Variants in TGFBR3 observed in about 807,000 individuals in gnomAD.
TGFBR3 encodes transforming growth factor beta receptor type 3.
In TGFBR3, 46 loss-of-function variants were observed where a neutral mutation model predicts 87.9. The observed-to-expected ratio is 0.52, with a 90% CI of 0.41 to 0.67. The LOEUF is 0.67. Ranked by LOEUF, TGFBR3 falls within the 30% of genes least tolerant of loss-of-function variation. TGFBR3 has a pLI of 0.00. For synonymous variants in TGFBR3, 381 were observed against 391.6 expected, an observed-to-expected ratio of 0.97 and a Z score of 0.32; for missense variants, 866 against 1,041.9, an observed-to-expected ratio of 0.83 and a Z score of 2.32.
At chr1:91,842,915 C>G (rs1363484956) in intron 2 of TGFBR3, among the ~76,000 whole-genome samples, 1 of 152,116 alleles carries the variant, frequency 6.6e-6, no homozygotes, top group Non-Finnish European at 1.5e-5. Context: ...AGTTGGGGGG[C>G]AGGGAGAGCA....
At chr1:91,767,617 G>A (rs1209967461) in intron 3 of TGFBR3, among the ~76,000 whole-genome samples, 1 of 132,126 alleles carries the variant, frequency 7.6e-6, no homozygotes, top group East Asian at 2.0e-4. Context: ...AAAGTCATAT[G>A]GCTAGAAAAT....
intron 4 of TGFBR3, among the ~76,000 whole-genome samples, chr1:91,740,689 T>C (rs1263388205): frequency 6.6e-6 from 1 of 152,152 alleles, no homozygotes; most frequent in South Asian, 2.1e-4. Flanking sequence ...TAACATGAGA[T>C]TTGGGCAGGG....
At chr1:91,719,089 G>A (rs1672273124) in intron 10 of TGFBR3, among the ~76,000 whole-genome samples, 1 of 152,190 alleles carries the variant, frequency 6.6e-6, no homozygotes, top group East Asian at 1.9e-4. Flanking sequence ...AACGGGGGGT[G>A]AGAAAACAGG....
chr1:91,735,639 C>T (rs1672942798), intron 4 of TGFBR3, among the ~76,000 whole-genome samples: 1 of 152,310 alleles, frequency 6.6e-6, no homozygotes, highest in East Asian at 1.9e-4. Flanking sequence ...ATAAAACTTT[C>T]AGGATGACGT....
intron 14 of TGFBR3, among the ~76,000 whole-genome samples, chr1:91,707,371 TCA>T (rs1191964120): frequency 6.6e-6 from 1 of 152,232 alleles, no homozygotes; most frequent in Non-Finnish European, 1.5e-5. Context: ...ACAGCTGTTT[TCA>T]CAGAGGTTAG....
At chr1:91,854,495 C>A (rs555921144) in intron 2 of TGFBR3, among the ~76,000 whole-genome samples, 1 of 152,270 alleles carries the variant, frequency 6.6e-6, no homozygotes, top group African/African-American at 2.4e-5. Context: ...GAAACTGTGA[C>A]CACCTCACTC....
intron 2 of TGFBR3, among the ~76,000 whole-genome samples, chr1:91,799,523 A>T (rs1475422180): frequency 6.6e-6 from 1 of 152,148 alleles, no homozygotes; most frequent in East Asian, 1.9e-4. Context: ...AGCTTCAAGA[A>T]ATTATCCTAC....
intron 1 of TGFBR3, among the ~76,000 whole-genome samples, chr1:91,880,375 G>A (rs1355107844): frequency 4.6e-5 from 7 of 152,074 alleles, no homozygotes; most frequent in Non-Finnish European, 8.8e-5. Flanking sequence ...CCAAGACGGC[G>A]GATCACGAGG....
intron 3 of TGFBR3, among the ~76,000 whole-genome samples, chr1:91,769,473 T>C (rs572238874): frequency 1.3e-5 from 2 of 152,074 alleles, no homozygotes; most frequent in South Asian, 2.1e-4. Context: ...ACTCTCTTTC[T>C]TCCCCACCTG....
intron 1 of TGFBR3, among the ~76,000 whole-genome samples, chr1:91,904,153 C>T (rs1679794212): frequency 6.6e-6 from 1 of 152,190 alleles, no homozygotes; most frequent in South Asian, 2.1e-4. Context: ...CACTGCACTC[C>T]AACCTGGGCA....
At chr1:91,862,444 G>C (rs972860703) in intron 1 of TGFBR3, among the ~76,000 whole-genome samples, 1 of 152,170 alleles carries the variant, frequency 6.6e-6, no homozygotes, top group African/African-American at 2.4e-5. Context: ...TATTTCAACT[G>C]TTTGCCAACA....
At chr1:91,810,921 A>G (rs1219865583) in intron 2 of TGFBR3, among the ~76,000 whole-genome samples, 2 of 152,268 alleles carry the variant, frequency 1.3e-5, no homozygotes, top group African/African-American at 2.4e-5. Context: ...ACTTAGCTAA[A>G]GGAAACTACA....
Position 91,905,297 on chromosome 1 carries a change from C to T in TGFBR3, c.-175+529G>A, listed in dbSNP as rs1679822347. Among the ~76,000 whole-genome samples, 3 of 152,146 alleles carry T rather than the reference C, an allele frequency of 2.0e-5. No homozygotes were observed. In the South Asian group the frequency reaches 6.2e-4, roughly 32 times the overall value. On this transcript the variant is annotated intron_variant, in intron 1 of 17. Transcript: ENST00000370399. ...CAGTTGGCTTATTTAACACTTTTCT[C>T]TAGGGTACAGAAAAATGCTAGTTAT... is the stretch of plus-strand genomic sequence containing the variant.
At chr1:91,685,852 C>T (rs1415906362) in intron 16 of TGFBR3, among the ~76,000 whole-genome samples, 1 of 152,206 alleles carries the variant, frequency 6.6e-6, no homozygotes, top group Admixed American at 6.5e-5. Flanking sequence ...ACCCAAACAA[C>T]TCTAGATATA....
intron 2 of TGFBR3, among the ~76,000 whole-genome samples, chr1:91,854,505 C>T (rs1009698577): frequency 1.3e-5 from 2 of 151,902 alleles, no homozygotes; most frequent in Admixed American, 6.6e-5. Flanking sequence ...CCACCTCACT[C>T]GACAGTGAGG....
intron 3 of TGFBR3, among the ~76,000 whole-genome samples, chr1:91,762,163 C>A (rs545691989): frequency 2.6e-5 from 4 of 152,206 alleles, no homozygotes; most frequent in Non-Finnish European, 4.4e-5. Context: ...AATGACCAGT[C>A]TCGAAACCAC....
chr1:91,851,566 G>C (rs1388865198), intron 2 of TGFBR3, among the ~76,000 whole-genome samples: 1 of 152,206 alleles, frequency 6.6e-6, no homozygotes, highest in African/African-American at 2.4e-5. Flanking sequence ...GGGTGATAAA[G>C]ATACCTCCAG....
chr1:91,743,941 T>C (rs1673243516), intron 4 of TGFBR3, among the ~76,000 whole-genome samples: 1 of 152,228 alleles, frequency 6.6e-6, no homozygotes, highest in African/African-American at 2.4e-5. Context: ...TAAATTGACC[T>C]GTGTTATATA....
chr1:91,682,589 A>G lies in TGFBR3; in HGVS notation c.*1150T>C, dbSNP rs970319607. 8 of 453,570 alleles carry G rather than the reference A, an allele frequency of 1.8e-5. No homozygotes were observed. In the East Asian group the frequency reaches 5.6e-4, roughly 32 times the overall value. 28.1% of individuals were successfully genotyped at this position (453,570 alleles called of 1,614,324 possible). A position where few individuals can be genotyped will look rare whatever the true frequency, so the allele number is the denominator to read the frequency against. ...ATGAGTGCCCTTTTCCAATCTCAGC[A>G]CTGTCTTGGTGGAATTGGTGACACT... On this transcript the variant is annotated 3_prime_UTR_variant, in exon 17 of 17. Coordinates refer to ENST00000212355, the MANE Select transcript of TGFBR3 (RefSeq NM_003243.5).
Sources: gnomAD v4.1 joint callset for allele counts (sites outside exome capture counted in the v4.1 genomes callset) on GRCh38, gnomAD v4.1.1 for gene constraint, MANE v1.5 for transcripts, NCBI Gene and HGNC (gene_info 2026-07-23, HGNC 2026-07-21) for gene names.